CCDC192: variants seen among roughly 807,000 people sequenced by gnomAD.
The protein encoded by CCDC192 is coiled-coil domain-containing protein 192.
At chr5:127,780,107 A>G (rs1256323054) in intron 3 of CCDC192, among the ~76,000 whole-genome samples, 2 of 152,006 alleles carry the variant, frequency 1.3e-5, no homozygotes, top group Non-Finnish European at 2.9e-5. Context: ...ATATATCTAT[A>G]TTTATCTATA....
chr5:127,913,652 C>G (rs1232852145), intron 6 of CCDC192, among the ~76,000 whole-genome samples: 1 of 152,124 alleles, frequency 6.6e-6, no homozygotes, highest in East Asian at 1.9e-4. Context: ...GAGGAAAGAG[C>G]CTTAGAAGAA....
chr5:127,795,485 T>C (rs535302435), intron 3 of CCDC192, among the ~76,000 whole-genome samples: 3 of 152,144 alleles, frequency 2.0e-5, no homozygotes, highest in Non-Finnish European at 4.4e-5. Context: ...AGATAAGTAG[T>C]ATTCTTTTCA....
intron 5 of CCDC192, among the ~76,000 whole-genome samples, chr5:127,823,494 T>C (rs561126413): frequency 2.6e-4 from 39 of 152,364 alleles, no homozygotes; most frequent in African/African-American, 9.4e-4. Flanking sequence ...TTTCCCACAC[T>C]GAAGACTATT....
chr5:127,826,127 C>A (rs1415518997), intron 5 of CCDC192, among the ~76,000 whole-genome samples: 1 of 152,004 alleles, frequency 6.6e-6, no homozygotes, highest in African/African-American at 2.4e-5. Flanking sequence ...TCACTGGGTT[C>A]TTTTTCAATT....
intron 3 of CCDC192, among the ~76,000 whole-genome samples, chr5:127,759,440 T>C (rs762611497): frequency 5.9e-5 from 9 of 152,176 alleles, no homozygotes; most frequent in Non-Finnish European, 1.2e-4. Context: ...CCTTCCACCA[T>C]GTGAGGACAG....
chr5:127,906,405 T>C (rs1170059414), intron 6 of CCDC192, among the ~76,000 whole-genome samples: 1 of 152,228 alleles, frequency 6.6e-6, no homozygotes, highest in Non-Finnish European at 1.5e-5. Context: ...ACACATTTTG[T>C]TCAACCAATC....
intron 2 of CCDC192, among the ~76,000 whole-genome samples, chr5:127,738,372 T>G (rs957034993): frequency 3.8e-5 from 5 of 130,960 alleles, no homozygotes; most frequent in Non-Finnish European, 4.8e-5. Context: ...CATTTTTTCC[T>G]TCATTTCAAC....
rs151204529 is a variant in CCDC192, at chr5:127,705,501, C to T, written c.62+1994C>T. Among the ~76,000 whole-genome samples, 13 of 152,152 alleles carry T rather than the reference C, an allele frequency of 8.5e-5. No individual in the cohort carries two copies. The East Asian group carries it at 2.5e-3, about 29-fold the overall frequency. On this transcript the variant is annotated intron_variant, in intron 1 of 6. Coordinates refer to ENST00000514853, the MANE Select transcript of CCDC192 (RefSeq NM_001317938.2). The stretch of plus-strand genomic sequence containing the variant: ...AAAACAAACGAAGCACAGTCCTTGT[C>T]CTCTATGAGGGTGTCACTGAGAAAT...
In CCDC192 at chr5:127,784,652, C is replaced by A. The variant is rs1580653646; in HGVS notation, c.223-12451C>A. ...CTGTAGGTGTGCTTTTCACCATCAA[C>A]TTGCTCCAAATATTCTTTCTCAATT... On this transcript the variant is annotated intron_variant, in intron 3 of 6. Transcript: ENST00000514853. 1.2e-5 allele frequency: 9 copies of A among 735,754 alleles called. No homozygotes were observed. In the East Asian group the frequency reaches 3.3e-4, roughly 27 times the overall value. The allele number at this position is 735,754 out of a possible 1,614,324, so 45.6% of individuals were successfully genotyped here.
chr5:127,755,083 A>G (rs962722635), intron 3 of CCDC192, among the ~76,000 whole-genome samples: 1 of 152,146 alleles, frequency 6.6e-6, no homozygotes, highest in Non-Finnish European at 1.5e-5. Flanking sequence ...GCCCCAGGGG[A>G]CAAACTGCTT....
rs1257092012 is a variant in CCDC192 at position 127,760,788 on chromosome 5, G to C, written c.222+6413G>C. 2.0e-5 allele frequency among the ~76,000 whole-genome samples: 3 copies of C among 150,606 alleles called. No homozygotes were observed. In the East Asian group the frequency reaches 5.8e-4, roughly 29 times the overall value. On this transcript the variant is annotated intron_variant, in intron 3 of 6. Transcript: ENST00000514853. ...AGAGCCCCGTGTTATAGTTTGCAGA[G>C]ATAATCTCAGCAAGACAGAAAACCA...
chr5:127,801,780 T>A (rs974460798), intron 5 of CCDC192, among the ~76,000 whole-genome samples: 96 of 152,302 alleles, frequency 6.3e-4, no homozygotes, highest in Non-Finnish European at 5.4e-4. Context: ...AGAGTTCATG[T>A]GAGCAAAGAA....
intron 1 of CCDC192, among the ~76,000 whole-genome samples, 188 bp from the exon 2 acceptor site, chr5:127,707,521 A>T (rs1385912834): frequency 6.6e-6 from 1 of 152,130 alleles, no homozygotes; most frequent in Non-Finnish European, 1.5e-5. Context: ...CTGCGAGTAA[A>T]GTTTACATTC....
intron 5 of CCDC192, among the ~76,000 whole-genome samples, chr5:127,845,929 T>C (rs371413050): frequency 1.3e-5 from 2 of 152,306 alleles, no homozygotes; most frequent in South Asian, 2.1e-4. Context: ...GCCAGCACTT[T>C]GTCTTTCCTG....
At chr5:127,884,711 T>C (rs1444096392) in intron 6 of CCDC192, among the ~76,000 whole-genome samples, 6 of 152,222 alleles carry the variant, frequency 3.9e-5, no homozygotes. Flanking sequence ...GGAAGCTTTC[T>C]GGATAGAAGA....
At chr5:127,876,062 AATT>A (rs1468852611) in intron 6 of CCDC192, among the ~76,000 whole-genome samples, 11 of 94,860 alleles carry the variant, frequency 1.2e-4, no homozygotes, top group Admixed American at 1.1e-4. Flanking sequence ...AAGAGAACAG[AATT>A]TTTTTTTTTT....
At chr5:127,846,819 C>CAAAAAAAAAAA (rs551016691) in intron 5 of CCDC192, among the ~76,000 whole-genome samples, 1 of 63,676 alleles carries the variant, frequency 1.6e-5, no homozygotes, top group African/African-American at 5.9e-5. Flanking sequence ...GTCAATAAAG[C>CAAAAAAAAAAA]AAAAAAAAAA....
intron 3 of CCDC192, among the ~76,000 whole-genome samples, chr5:127,761,273 A>G (rs568849680): frequency 6.5e-4 from 99 of 152,360 alleles, no homozygotes; most frequent in African/African-American, 2.3e-3. Flanking sequence ...TACTATATCT[A>G]GAAGTGGGAA....
intron 2 of CCDC192, among the ~76,000 whole-genome samples, chr5:127,738,787 T>C (rs931804685): frequency 3.9e-5 from 6 of 152,350 alleles, no homozygotes; most frequent in South Asian, 2.1e-4. Flanking sequence ...TCCATCAGCT[T>C]CTTTAAGCAC....
Sources: allele counts gnomAD v4.1 joint callset (sites outside exome capture counted in the v4.1 genomes callset), GRCh38; gene constraint gnomAD v4.1.1; transcripts MANE v1.5; gene names NCBI Gene and HGNC (gene_info 2026-07-23, HGNC 2026-07-21).